Variants in SKIC2 observed in about 807,000 individuals in gnomAD.
The protein encoded by SKIC2 is superkiller complex protein 2.
At chr6:31,969,605 C>T in the SKIC2 span, 47 of 1,613,016 alleles carry the variant, frequency 2.9e-5, no homozygotes, top group South Asian at 3.7e-4. This position sits in a 1 kb window ranked among gnomAD's most constrained non-coding sequence, Gnocchi z 6.1. Flanking sequence ...TCGCTCACTG[C>T]GGGGGGCAGC....
chr6:31,963,212 C>A, the SKIC2 span: 1 of 810,488 alleles, frequency 1.2e-6, no homozygotes, highest in Admixed American at 2.6e-5. This position sits in a 1 kb window ranked among gnomAD's most constrained non-coding sequence, Gnocchi z 5.3. Flanking sequence ...TGCTGGGGAA[C>A]ATGTCCCACC....
the SKIC2 span, chr6:31,967,002 A>G: frequency 6.8e-6 from 11 of 1,612,816 alleles, no homozygotes; most frequent in Non-Finnish European, 9.3e-6. The surrounding 1 kb of genome is among the most constrained non-coding windows in gnomAD (Gnocchi z 4.9). Context: ...CTCCCACCCA[A>G]GGCCCATGAA....
chr6:31,963,137 CTCCT>C, the SKIC2 span: 1 of 1,316,356 alleles, frequency 7.6e-7, no homozygotes, highest in Non-Finnish European at 1.1e-6. This position sits in a 1 kb window ranked among gnomAD's most constrained non-coding sequence, Gnocchi z 5.3. Context: ...GGCTACAGTA[CTCCT>C]TGATTCGGGT....
the SKIC2 span, chr6:31,963,176 G>A: frequency 1.9e-6 from 2 of 1,039,004 alleles, no homozygotes; most frequent in Non-Finnish European, 2.9e-6. The surrounding 1 kb of genome is among the most constrained non-coding windows in gnomAD (Gnocchi z 5.3). Flanking sequence ...ACCACAGCAA[G>A]GAGAGCGGTC....
chr6:31,967,473 GGCCCTCATTTTCCCCTCTT>G, the SKIC2 span: 2 of 976,994 alleles, frequency 2.0e-6, no homozygotes, highest in African/African-American at 1.6e-5. The surrounding 1 kb of genome is among the most constrained non-coding windows in gnomAD (Gnocchi z 4.9). Flanking sequence ...GTCATCATAG[GGCCCTCATTTTCCCCTCTT>G]GCCCTCCTTT....
At chr6:31,963,918 C>A in the SKIC2 span, 3 of 1,610,086 alleles carry the variant, frequency 1.9e-6, no homozygotes, top group African/African-American at 2.7e-5. This position sits in a 1 kb window ranked among gnomAD's most constrained non-coding sequence, Gnocchi z 5.3. Context: ...TCCAGGACCG[C>A]GGAGTGTACC....
chr6:31,964,351 G>A, the SKIC2 span: 1 of 1,607,412 alleles, frequency 6.2e-7, no homozygotes, highest in Non-Finnish European at 8.5e-7. This position sits in a 1 kb window ranked among gnomAD's most constrained non-coding sequence, Gnocchi z 5.0. Context: ...AGGTGCATGT[G>A]GTGGTGGAAA....
the SKIC2 span, chr6:31,967,238 G>A: frequency 6.2e-7 from 1 of 1,609,422 alleles, no homozygotes; most frequent in Non-Finnish European, 8.5e-7. The surrounding 1 kb of genome is among the most constrained non-coding windows in gnomAD (Gnocchi z 4.9). Context: ...GTCTGTCCCT[G>A]TGATGCCTCC....
chr6:31,962,916 C>T, the SKIC2 span: 8 of 1,365,982 alleles, frequency 5.9e-6, no homozygotes, highest in Non-Finnish European at 8.3e-6. This position sits in a 1 kb window ranked among gnomAD's most constrained non-coding sequence, Gnocchi z 5.0. Flanking sequence ...ATATGGAATC[C>T]TGTGCCTCTT....
chr6:31,961,369 G>A, the SKIC2 span: 2 of 1,558,988 alleles, frequency 1.3e-6, 1 homozygote, highest in African/African-American at 2.8e-5. Flanking sequence ...AAGCAGCTTG[G>A]AAGACCTAGT....
the SKIC2 span, chr6:31,966,969 CTCCCCTT>C: frequency 6.2e-7 from 1 of 1,613,062 alleles, no homozygotes; most frequent in Non-Finnish European, 8.5e-7. The surrounding 1 kb of genome is among the most constrained non-coding windows in gnomAD (Gnocchi z 5.9). Context: ...GGCCTGGAGA[CTCCCCTT>C]TCACAGCTTC....
the SKIC2 span, among the ~76,000 whole-genome samples, chr6:31,964,829 A>G: frequency 6.6e-6 from 1 of 152,326 alleles, no homozygotes; most frequent in Middle Eastern, 3.4e-3. This position sits in a 1 kb window ranked among gnomAD's most constrained non-coding sequence, Gnocchi z 5.0. Flanking sequence ...TAGACAAAAT[A>G]ACTATATTGG....
At chr6:31,963,631 C>T in the SKIC2 span, 4 of 1,539,052 alleles carry the variant, frequency 2.6e-6, no homozygotes, top group South Asian at 1.3e-5. The surrounding 1 kb of genome is among the most constrained non-coding windows in gnomAD (Gnocchi z 5.3). Flanking sequence ...CCTCCCTGTG[C>T]CCCAGGTACT....
the SKIC2 span, chr6:31,961,577 G>C: frequency 6.2e-7 from 1 of 1,612,554 alleles, no homozygotes; most frequent in African/African-American, 1.3e-5. Context: ...CACCCCAGAG[G>C]CCCCAGAGCC....
At chr6:31,969,389 T>C in the SKIC2 span, 1 of 1,613,950 alleles carries the variant, frequency 6.2e-7, no homozygotes, top group Non-Finnish European at 8.5e-7. This position sits in a 1 kb window ranked among gnomAD's most constrained non-coding sequence, Gnocchi z 6.1. Flanking sequence ...TTTGGGCTGG[T>C]TGAGGTTGTA....
chr6:31,967,857 C>A, the SKIC2 span: 2 of 1,612,980 alleles, frequency 1.2e-6, no homozygotes, highest in Non-Finnish European at 1.7e-6. This position sits in a 1 kb window ranked among gnomAD's most constrained non-coding sequence, Gnocchi z 4.9. Context: ...CTGTTCCTGC[C>A]TGAAGGTGAG....
At chr6:31,963,523 T>C in the SKIC2 span, 1 of 1,604,484 alleles carries the variant, frequency 6.2e-7, no homozygotes, top group Admixed American at 1.7e-5. The surrounding 1 kb of genome is among the most constrained non-coding windows in gnomAD (Gnocchi z 5.3). Context: ...GAGCTCTTTT[T>C]GTTGCTGGAC....
At chr6:31,963,219 C>A in the SKIC2 span, 1 of 803,432 alleles carries the variant, frequency 1.2e-6, no homozygotes, top group South Asian at 1.7e-5. This position sits in a 1 kb window ranked among gnomAD's most constrained non-coding sequence, Gnocchi z 5.3. Flanking sequence ...GAACATGTCC[C>A]ACCTGGTGGC....
At chr6:31,968,451 A>G in the SKIC2 span, 1 of 1,612,754 alleles carries the variant, frequency 6.2e-7, no homozygotes, top group Non-Finnish European at 8.5e-7. This position sits in a 1 kb window ranked among gnomAD's most constrained non-coding sequence, Gnocchi z 6.1. Flanking sequence ...AAGATATGTC[A>G]GTTGTAGAGG....
Sources: allele counts gnomAD v4.1 joint callset (sites outside exome capture counted in the v4.1 genomes callset), GRCh38; gene constraint gnomAD v4.1.1; non-coding constraint Gnocchi (gnomAD v3.1); transcripts MANE v1.5; gene names NCBI Gene and HGNC (gene_info 2026-07-23, HGNC 2026-07-21).